UNC80: variants seen among roughly 807,000 people sequenced by gnomAD.
UNC80 encodes the protein protein unc-80 homolog.
A neutral mutation model predicts 384.6 loss-of-function variants in UNC80; 164 were observed. That is an observed-to-expected ratio of 0.43 (90% confidence interval 0.38 to 0.49). The LOEUF (loss-of-function observed/expected upper bound fraction) is 0.49, where lower values mean the gene tolerates loss of function less well. Among genes scored for constraint, UNC80 ranks in the 20% least tolerant of loss-of-function variants. The pLI is 0.00. For synonymous variants in UNC80, 1,486 were observed against 1,527.8 expected, an observed-to-expected ratio of 0.97 and a Z score of 0.64; for missense variants, 3,330 against 4,143.0, an observed-to-expected ratio of 0.80 and a Z score of 5.39.
chr2:209,894,230 G>C lies in UNC80; in HGVS notation c.4344G>C (p.Gln1448His). The change falls in exon 27 of 65, where the codon CAG becomes CAC. Residue 1448 changes from glutamine (Q) to histidine (H), a missense_variant. This residue lies in a region of UNC80 where 801 missense variants were observed against 950.8 expected (regional missense o/e 0.84). Coordinates refer to ENST00000673920, the MANE Select transcript of UNC80 (RefSeq NM_001371986.1). The part of the protein sequence containing the change: ...LLQIKGTRSF[Q>H]VKKGGSLSSI... The stretch of plus-strand genomic sequence containing the variant: ...AGATTAAAGGAACCCGCAGTTTCCA[G>C]GTGAAGAAGGGGGGTTCCTTGTCCA... 3 of 985,440 alleles carry C rather than the reference G, an allele frequency of 3.0e-6. No individual in the cohort carries two copies. The highest frequency in any genetic ancestry group is 3.6e-6 in the Non-Finnish European group (3 of 829,926). The allele number at this position is 985,440 out of a possible 1,614,324, so 61.0% of individuals were successfully genotyped here.
chr2:209,931,762 C>T (rs1349461598), intron 38 of UNC80, among the ~76,000 whole-genome samples: 2 of 152,228 alleles, frequency 1.3e-5, no homozygotes, highest in African/African-American at 4.8e-5. Flanking sequence ...ATTCCTTTCT[C>T]TTGTCTAAGA....
intron 25 of UNC80, among the ~76,000 whole-genome samples, chr2:209,887,390 GCCACAGCTT>G (rs1482780178): frequency 1.3e-5 from 2 of 151,922 alleles, no homozygotes; most frequent in Non-Finnish European, 2.9e-5. Flanking sequence ...TTCTTTCATA[GCCACAGCTT>G]CCTCTGACTA....
Position 209,877,999 on chromosome 2 carries a change from A to G in UNC80, c.3886A>G (p.Ser1296Gly). The G allele has an allele frequency of 6.5e-7, 1 of 1,544,488 alleles. No homozygotes were observed. Among genetic ancestry groups the G allele is most frequent in the Non-Finnish European group, 8.7e-7 (1 of 1,143,534 alleles). Residue 1296 changes from serine to glycine, a missense_variant, in exon 24 of 65, where the codon AGC (serine) becomes GGC (glycine). Ser to Gly is a moderately conservative substitution (Grantham distance 56). Around this residue, in one of 8 missense-constraint regions of UNC80, gnomAD observed 801 missense variants for 950.8 expected, o/e 0.84. Coordinates refer to ENST00000673920, the MANE Select transcript of UNC80 (RefSeq NM_001371986.1). ...TGAGCTGTGCCACGGGGAAAGTGAGAGCCCAGCCAACCTGCTGGGTCTCAT... is the reference window on the plus strand; with the variant it reads ...TGAGCTGTGCCACGGGGAAAGTGAGGGCCCAGCCAACCTGCTGGGTCTCAT... The part of the protein sequence containing the change: ...LNELCHGESE[S>G]PANLLGLIYD...
intron 7 of UNC80, among the ~76,000 whole-genome samples, chr2:209,797,165 T>C (rs1233344602): frequency 6.6e-6 from 1 of 152,244 alleles, no homozygotes; most frequent in Non-Finnish European, 1.5e-5. Context: ...TTCCTTTGTA[T>C]TGTTAAACAA....
At chr2:209,787,046 C>T (rs1283298678) in intron 5 of UNC80, among the ~76,000 whole-genome samples, 10 of 140,390 alleles carry the variant, frequency 7.1e-5, no homozygotes, top group Non-Finnish European at 3.0e-5. Flanking sequence ...ATACACCACA[C>T]ACATATATAT....
chr2:209,974,553 T>G (rs968457416), intron 56 of UNC80, among the ~76,000 whole-genome samples: 9 of 152,226 alleles, frequency 5.9e-5, no homozygotes, highest in Non-Finnish European at 1.2e-4. Flanking sequence ...ACTGAACCTG[T>G]ATTTTAAGTT....
intron 21 of UNC80, 123 bp from the exon 22 acceptor site, chr2:209,849,328 A>T: frequency 9.5e-7 from 1 of 1,053,190 alleles, no homozygotes; most frequent in Admixed American, 2.6e-5. Flanking sequence ...AGTGGAGTGA[A>T]GGAGAAAGTT....
At chr2:209,821,878 G>C (rs1388511037) in intron 13 of UNC80, among the ~76,000 whole-genome samples, 1 of 152,110 alleles carries the variant, frequency 6.6e-6, no homozygotes, top group Non-Finnish European at 1.5e-5. Context: ...TTACACATGT[G>C]AAGTTATACT....
At chr2:209,856,159 T>C (rs914154365) in intron 22 of UNC80, among the ~76,000 whole-genome samples, 1 of 152,144 alleles carries the variant, frequency 6.6e-6, no homozygotes, top group African/African-American at 2.4e-5. Context: ...TTTTTAACAA[T>C]GTGGTGCTTT....
intron 20 of UNC80, 87 bp from the exon 21 acceptor site, chr2:209,842,263 C>A (rs1574690657): frequency 1.0e-6 from 1 of 975,436 alleles, no homozygotes; most frequent in Admixed American, 2.6e-5. Flanking sequence ...GAGTAAACAA[C>A]TCATTTTCAA....
In UNC80 at chr2:209,834,995, C is replaced by CAA; in HGVS notation, c.3027_3028insAA (p.Gln1010AsnfsTer75). 1 of 1,550,676 alleles carries CAA rather than the reference C, an allele frequency of 6.4e-7. No homozygotes were observed. Among genetic ancestry groups the CAA allele is most frequent in the Non-Finnish European group, 8.7e-7 (1 of 1,146,280 alleles). ...CGCAGCTTCATGTCTGGTCGCCCCT[C>CAA]ACAGACTCCAGAGCAGTAAGTAGCG... On this transcript the variant is annotated frameshift_variant, in exon 18 of 65. Transcript: ENST00000673920. LOFTEE classifies it high-confidence loss of function.
Position 209,786,049 on chromosome 2 carries a change from C to T in UNC80, c.601-17C>T, listed in dbSNP as rs976987439. The T allele has an allele frequency of 1.9e-6, 3 of 1,611,730 alleles. No homozygotes were observed. In the Admixed American group the frequency reaches 5.0e-5, roughly 27 times the overall value. ...TACATGTCAGTTATTGGACATATATCTTCTCCTCCCCCCTAGGAATCTGAC... is the reference window on the plus strand; with the variant it reads ...TACATGTCAGTTATTGGACATATATTTTCTCCTCCCCCCTAGGAATCTGAC... On this transcript the variant is annotated splice_polypyrimidine_tract_variant and intron_variant, in intron 4 of 64. Transcript: ENST00000673920.
rs1290835771 is a variant in UNC80, at chr2:209,933,860, G to C, written c.6033G>C (p.Glu2011Asp). 1 of 1,551,344 alleles carries C rather than the reference G, an allele frequency of 6.4e-7. No homozygotes were observed. The highest frequency in any genetic ancestry group is 2.4e-5 in the East Asian group (1 of 40,902). The change falls in exon 39 of 65, where the codon GAG becomes GAC. Residue 2011 changes from glutamate (E) to aspartate (D), a missense_variant. Around this residue, in one of 8 missense-constraint regions of UNC80, gnomAD observed 1,049 missense variants for 1,488.6 expected, o/e 0.70. Transcript: ENST00000673920. ...LIMYFVRTPCEWGMDAISATL... is the reference protein window; with the variant it reads ...LIMYFVRTPCDWGMDAISATL... ...TGTACTTTGTGCGGACCCCCTGCGA[G>C]TGGGGGATGGATGCCATTTCAGCCA...
intron 18 of UNC80, among the ~76,000 whole-genome samples, chr2:209,838,385 C>T (rs2081492239): frequency 6.6e-6 from 1 of 151,732 alleles, no homozygotes; most frequent in South Asian, 2.1e-4. Context: ...ATATTATTGG[C>T]CACTGGTCTT....
chr2:209,883,663 G>T (rs1358659060), intron 25 of UNC80, among the ~76,000 whole-genome samples: 1 of 151,890 alleles, frequency 6.6e-6, no homozygotes, highest in East Asian at 1.9e-4. Context: ...TTGATTTCCT[G>T]ACCTCATGAT....
At chr2:209,774,653 C>A (rs565456635) in intron 2 of UNC80, among the ~76,000 whole-genome samples, 1 of 152,022 alleles carries the variant, frequency 6.6e-6, no homozygotes, top group Non-Finnish European at 1.5e-5. Context: ...TCTTTATAAT[C>A]TTTTAGTGTC....
chr2:209,850,082 C>T (rs552215337), intron 22 of UNC80, among the ~76,000 whole-genome samples: 1 of 151,996 alleles, frequency 6.6e-6, no homozygotes, highest in South Asian at 2.1e-4. Flanking sequence ...GCTCACCAAG[C>T]CTTGATTTCA....
chr2:209,994,164 G>A lies in UNC80; in HGVS notation c.9608G>A (p.Ser3203Asn), dbSNP rs1164997866. 1.3e-6 allele frequency: 2 copies of A among 1,551,500 alleles called. No homozygotes were observed. Among genetic ancestry groups the A allele is most frequent in the Non-Finnish European group, 1.7e-6 (2 of 1,146,928 alleles). The change falls in exon 64 of 65, where the codon AGC (serine) becomes AAC (asparagine). Residue 3203 changes from serine to asparagine, a missense_variant. Around this residue, in one of 8 missense-constraint regions of UNC80, gnomAD observed 236 missense variants for 254.9 expected, o/e 0.93. Transcript: ENST00000673920. ...LPATGQLQGC[S>N]PAPSRKPEAM... is the part of the protein sequence containing the mutation. ...GCAACAGGCCAACTACAGGGCTGTA[G>A]CCCAGCCCCTTCTAGGAAACCAGAA...
intron 4 of UNC80, among the ~76,000 whole-genome samples, chr2:209,780,871 G>A (rs2077120768): frequency 6.6e-6 from 1 of 152,100 alleles, no homozygotes; most frequent in Admixed American, 6.6e-5. Context: ...TGCCTTTCAT[G>A]ACTCCAACTC....
Sources: gnomAD v4.1 joint callset for allele counts (sites outside exome capture counted in the v4.1 genomes callset) on GRCh38, gnomAD v4.1.1 for gene constraint, gnomAD v4.1.1 regional missense constraint, MANE v1.5 for transcripts, NCBI Gene and HGNC (gene_info 2026-07-23, HGNC 2026-07-21) for gene names.